The following GMPR variants were observed in gnomAD, a reference collection of about 807,000 sequenced individuals.
The protein encoded by GMPR is GMP reductase 1.
Under a neutral mutation model 38.4 loss-of-function variants are expected in GMPR, and 31 were observed. That is an observed-to-expected ratio of 0.81 (90% CI 0.61 to 1.09). The LOEUF is 1.09. GMPR is among the 50% of genes least tolerant of loss of function. The pLI, the probability that GMPR is intolerant of heterozygous loss-of-function variation, is 0.00. For synonymous variants in GMPR, 162 were observed against 173.3 expected (o/e 0.93, Z 0.51); for missense variants, 468 against 453.7 (o/e 1.03, Z -0.29).
rs374247481 is a variant in GMPR at position 16,284,012 on chromosome 6, C to G, written c.655-1781C>G. ...AGCATTAACAAGGGGTATAGAGCCA[C>G]AAGCCCTGTCCCTGTCTTCACACAG... On this transcript the variant is annotated intron_variant, in intron 6 of 8. Transcript: ENST00000259727. 3.9e-5 allele frequency among the ~76,000 whole-genome samples: 6 copies of G among 152,330 alleles called. No individual in the cohort carries two copies. In the South Asian group the frequency reaches 8.3e-4, roughly 21 times the overall value.
At position 16,260,106 on chromosome 6, in the gene GMPR, T is replaced by C. The variant is rs1016976455; in HGVS notation, c.465+5371T>C. On this transcript the variant is annotated intron_variant, in intron 4 of 8. Coordinates refer to ENST00000259727, the MANE Select transcript of GMPR (RefSeq NM_006877.4). Reference sequence around the variant, plus strand: ...AAATAGGCTGTACTTTGTAGCATTCTGAGGACAGGTCTGACTTCTGAGAAG... The same window carrying C: ...AAATAGGCTGTACTTTGTAGCATTCCGAGGACAGGTCTGACTTCTGAGAAG... Among the ~76,000 whole-genome samples the C allele has an allele frequency of 4.6e-5, 7 of 152,200 alleles. No individual in the cohort carries two copies. In the South Asian group the frequency reaches 8.3e-4, roughly 18 times the overall value.
Position 16,238,723 on chromosome 6 carries a change from C to T in GMPR, c.30C>T (p.Leu10=). 3 of 1,445,978 alleles carry T rather than the reference C, an allele frequency of 2.1e-6. No homozygotes were observed. Among genetic ancestry groups the T allele is most frequent in the Non-Finnish European group, 2.8e-6 (3 of 1,087,090 alleles). The allele number at this position is 1,445,978 out of a possible 1,614,324, so 89.6% of individuals were successfully genotyped here. MPRIDADLK[L]DFKDVLLRPK... is the part of the protein sequence containing the mutation. ...CCCGCATAGATGCGGACCTCAAGCT[C>T]GACTTCAAGGATGTCCTGCTCCGAC... Residue 10 remains leucine, a synonymous_variant, in exon 1 of 9, where the codon CTC becomes CTT. Transcript: ENST00000259727.
chr6:16,239,922 C>T (rs1023762600), intron 1 of GMPR, among the ~76,000 whole-genome samples: 4 of 152,316 alleles, frequency 2.6e-5, no homozygotes, highest in South Asian at 2.1e-4. Context: ...TAAAACTTAT[C>T]GCCCCAGATT....
chr6:16,256,497 C>T (rs1170467285), intron 4 of GMPR, among the ~76,000 whole-genome samples: 1 of 135,350 alleles, frequency 7.4e-6, no homozygotes, highest in Non-Finnish European at 1.5e-5. Context: ...CCATTGCACT[C>T]TAGCCTGGGA....
intron 4 of GMPR, among the ~76,000 whole-genome samples, chr6:16,273,943 G>A (rs2113693376): frequency 6.6e-6 from 1 of 151,602 alleles, no homozygotes; most frequent in Middle Eastern, 3.4e-3. Flanking sequence ...AGCCTCCTGA[G>A]TAACTAGGAC....
chr6:16,275,372 G>A lies in GMPR; in HGVS notation c.547+876G>A, dbSNP rs374596546. On this transcript the variant is annotated intron_variant, in intron 5 of 8. Coordinates refer to ENST00000259727, the MANE Select transcript of GMPR (RefSeq NM_006877.4). The stretch of plus-strand genomic sequence containing the variant: ...GTGGGAAAACGCACAGCTGGGAGGC[G>A]CAGGAGACGCTGTTGAGCTGTGACT... Among the ~76,000 whole-genome samples the A allele has an allele frequency of 9.2e-5, 14 of 152,178 alleles. No homozygotes were observed. The East Asian group carries it at 9.6e-4, about 10-fold the overall frequency.
At chr6:16,284,992 C>T (rs1479582120) in intron 6 of GMPR, among the ~76,000 whole-genome samples, 3 of 139,552 alleles carry the variant, frequency 2.1e-5, no homozygotes, top group Non-Finnish European at 4.5e-5. Context: ...ACACTCCAGC[C>T]TGGGCGACAA....
intron 1 of GMPR, among the ~76,000 whole-genome samples, chr6:16,246,416 T>C (rs1236709271): frequency 6.6e-6 from 1 of 152,144 alleles, no homozygotes; most frequent in African/African-American, 2.4e-5. Context: ...TGTGTGGCGC[T>C]CACTGCAGGG....
At chr6:16,259,592 A>G (rs1373452204) in intron 4 of GMPR, among the ~76,000 whole-genome samples, 1 of 151,950 alleles carries the variant, frequency 6.6e-6, no homozygotes, top group Non-Finnish European at 1.5e-5. Context: ...GGAGAGATTA[A>G]GCCGAAGGAA....
chr6:16,240,542 G>A (rs1485079159), intron 1 of GMPR, among the ~76,000 whole-genome samples: 2 of 152,210 alleles, frequency 1.3e-5, no homozygotes, highest in African/African-American at 2.4e-5. Context: ...AGGCTGAGGC[G>A]GGAGGATGGC....
At chr6:16,294,889 C>T (rs1759907767) in intron 8 of GMPR, 117 bp from the exon 9 acceptor site, 1 of 743,272 alleles carries the variant, frequency 1.3e-6, no homozygotes, top group East Asian at 2.8e-5. Context: ...AGGGTGGGGT[C>T]TGGTTTTCTG....
rs1005912368 is a variant in GMPR, at chr6:16,290,238, G to A, written c.698-224G>A. On this transcript the variant is annotated intron_variant, in intron 7 of 8. Transcript: ENST00000259727. The stretch of plus-strand genomic sequence containing the variant: ...CCAGTATATGGGACACTAGCCTTCA[G>A]TAGGCTGCATTTGTTTCTCGCAGTG... 3 of 581,098 alleles carry A rather than the reference G, an allele frequency of 5.2e-6. No homozygotes were observed. In the African/African-American group the frequency reaches 5.6e-5, roughly 11 times the overall value. The allele number at this position is 581,098 out of a possible 1,614,324, so 36.0% of individuals were successfully genotyped here. A position where few individuals can be genotyped will look rare whatever the true frequency, so the allele number is the denominator to read the frequency against.
Position 16,295,394 on chromosome 6 carries a change from A to G in GMPR, c.*208A>G. Reference sequence around the variant, plus strand: ...GACGCAAGGCACCGATTGGGCCAACATCAGAGCCCTGCTGCCCAGAACTCA... The same window carrying G: ...GACGCAAGGCACCGATTGGGCCAACGTCAGAGCCCTGCTGCCCAGAACTCA... On this transcript the variant is annotated 3_prime_UTR_variant, in exon 9 of 9. Transcript: ENST00000259727. 2 of 447,738 alleles carry G rather than the reference A, an allele frequency of 4.5e-6. No individual in the cohort carries two copies. Among genetic ancestry groups the G allele is most frequent in the Non-Finnish European group, 3.9e-6 (1 of 258,354 alleles). 27.7% of individuals were successfully genotyped at this position (447,738 alleles called of 1,614,324 possible).
rs1026308142 is a variant in GMPR at position 16,271,763 on chromosome 6, A to C, written c.466-2652A>C. On this transcript the variant is annotated intron_variant, in intron 4 of 8. Coordinates refer to ENST00000259727, the MANE Select transcript of GMPR (RefSeq NM_006877.4). ...AGAAAAGATTAAAGAAGAAACAAAA[A>C]AAAGTTTGATCATCTCTTCACCTAG... 5.3e-5 allele frequency among the ~76,000 whole-genome samples: 8 copies of C among 152,168 alleles called. 1 individual carries two copies. Among genetic ancestry groups the C allele is most frequent in the Non-Finnish European group, 8.8e-5 (6 of 68,036 alleles).
chr6:16,254,504 G>A, intron 3 of GMPR, 58 bp from the exon 4 acceptor site: 1 of 1,443,562 alleles, frequency 6.9e-7, no homozygotes, highest in Non-Finnish European at 9.7e-7. Flanking sequence ...AATGGGGGCA[G>A]GGTCTGATGT....
rs537537696 is a variant in GMPR, at chr6:16,280,678, G to A, written c.654+1788G>A. On this transcript the variant is annotated intron_variant, in intron 6 of 8. Coordinates refer to ENST00000259727, the MANE Select transcript of GMPR (RefSeq NM_006877.4). Reference sequence around the variant, plus strand: ...TGCAGCCTTGTCTGAGTCTGGCTGCGTGAGGATCACCAGAGAGGCTTTTAC... The same window carrying A: ...TGCAGCCTTGTCTGAGTCTGGCTGCATGAGGATCACCAGAGAGGCTTTTAC... Among the ~76,000 whole-genome samples, 7 of 152,318 alleles carry A rather than the reference G, an allele frequency of 4.6e-5. No individual in the cohort carries two copies. The East Asian group carries it at 7.7e-4, about 17-fold the overall frequency.
chr6:16,267,773 A>G (rs1209932983), intron 4 of GMPR, among the ~76,000 whole-genome samples: 1 of 151,988 alleles, frequency 6.6e-6, no homozygotes, highest in Admixed American at 6.6e-5. Context: ...TCTGGTCTGG[A>G]GGAAATAGGT....
intron 3 of GMPR, among the ~76,000 whole-genome samples, chr6:16,250,873 T>G (rs1287075905): frequency 6.9e-6 from 1 of 144,132 alleles, no homozygotes; most frequent in Non-Finnish European, 1.5e-5. Context: ...GAGGGGTCTC[T>G]TTTTAAAAAA....
At chr6:16,294,014 T>C (rs193081922) in intron 8 of GMPR, among the ~76,000 whole-genome samples, 1 of 152,336 alleles carries the variant, frequency 6.6e-6, no homozygotes, top group Non-Finnish European at 1.5e-5. Context: ...ATCCCCATTT[T>C]GCAGTGAGGG....
Sources: gnomAD v4.1 joint callset for allele counts (sites outside exome capture counted in the v4.1 genomes callset) on GRCh38, gnomAD v4.1.1 for gene constraint, MANE v1.5 for transcripts, NCBI Gene and HGNC (gene_info 2026-07-23, HGNC 2026-07-21) for gene names.